Variants in ACOT7 observed in about 807,000 individuals in gnomAD.
ACOT7 encodes the protein cytosolic acyl coenzyme A thioester hydrolase.
ACOT7 carries 12 observed loss-of-function variants against 40.2 expected under a neutral mutation model. The ratio of observed to expected loss-of-function variants is 0.30; its 90% CI spans 0.19 to 0.48. ACOT7 has a LOEUF of 0.48. Among genes scored for constraint, ACOT7 ranks in the 20% least tolerant of loss-of-function variants. The probability of loss-of-function intolerance (pLI) is 0.99; values close to 1 mark genes in which losing one functional copy is unlikely to be tolerated. For missense variants in ACOT7, 395 were observed against 530.8 expected (o/e 0.74, Z 2.51); for synonymous variants, 228 against 219.5 (o/e 1.04, Z -0.34).
rs1571334828 is a variant in ACOT7 at position 6,352,535 on chromosome 1, T to C, written c.144-2669A>G. On this transcript the variant is annotated intron_variant, in intron 1 of 8. Transcript: ENST00000361521. This position sits in a 1 kb window ranked among gnomAD's most constrained non-coding sequence, Gnocchi z 4.5. ...GCCTCTGTCTAAAGGCAGGCAGGGG[T>C]GAGAGCCAGGGAGCCAGGGAAGCTG... Among the ~76,000 whole-genome samples the C allele has an allele frequency of 6.6e-6, 1 of 151,812 alleles. No individual in the cohort carries two copies. Among genetic ancestry groups the C allele is most frequent in the African/African-American group, 2.4e-5 (1 of 41,280 alleles).
chr1:6,285,628 C>T (rs1246512786), intron 7 of ACOT7, among the ~76,000 whole-genome samples: 4 of 152,222 alleles, frequency 2.6e-5, no homozygotes, highest in African/African-American at 7.2e-5. Flanking sequence ...AATGTGGAGG[C>T]GGGTGAGGCT....
intron 8 of ACOT7, among the ~76,000 whole-genome samples, chr1:6,279,840 A>G (rs994361013): frequency 6.6e-6 from 1 of 152,000 alleles, no homozygotes; most frequent in Non-Finnish European, 1.5e-5. Context: ...GGGCTGGGAG[A>G]GGGGCTTGGA....
At chr1:6,297,413 C>T (rs1639839080) in intron 6 of ACOT7, among the ~76,000 whole-genome samples, 2 of 152,194 alleles carry the variant, frequency 1.3e-5, no homozygotes, top group Non-Finnish European at 2.9e-5. Context: ...GAAAACCAGA[C>T]TTGTACAGTC....
chr1:6,268,250 G>A (rs1164607738), intron 8 of ACOT7, among the ~76,000 whole-genome samples: 1 of 152,182 alleles, frequency 6.6e-6, no homozygotes, highest in African/African-American at 2.4e-5. Context: ...TCTCAGTAAA[G>A]CTGTTAAAAG....
chr1:6,341,737 G>A (rs898676539), intron 2 of ACOT7, among the ~76,000 whole-genome samples: 7 of 151,698 alleles, frequency 4.6e-5, no homozygotes, highest in African/African-American at 7.3e-5. Context: ...GCGAGACTCC[G>A]TCTCAAAAAA....
intron 1 of ACOT7, among the ~76,000 whole-genome samples, chr1:6,378,067 AAAACAAACAAAC>A (rs140819559): frequency 8.6e-5 from 13 of 150,448 alleles, no homozygotes; most frequent in African/African-American, 2.9e-4. Context: ...AAGACTCGTC[AAAACAAACAAAC>A]AAACAAACAA....
chr1:6,362,699 G>C (rs6660500), intron 1 of ACOT7, among the ~76,000 whole-genome samples: 1 of 152,094 alleles, frequency 6.6e-6, no homozygotes, highest in East Asian at 1.9e-4. Context: ...AGCTGGTAGG[G>C]TCAGAAACTT....
intron 6 of ACOT7, among the ~76,000 whole-genome samples, chr1:6,309,339 G>A (rs1640266569): frequency 6.6e-6 from 1 of 152,162 alleles, no homozygotes; most frequent in South Asian, 2.1e-4. Context: ...TTGCAGTAGG[G>A]GGCTGGGAGG....
At chr1:6,376,388 G>A (rs1490221729) in intron 1 of ACOT7, among the ~76,000 whole-genome samples, 2 of 151,910 alleles carry the variant, frequency 1.3e-5, no homozygotes, top group African/African-American at 4.8e-5. Context: ...AGCCGTGATT[G>A]TACCACCGCT....
At chr1:6,276,880 G>A (rs781046309) in intron 8 of ACOT7, among the ~76,000 whole-genome samples, 19 of 152,060 alleles carry the variant, frequency 1.2e-4, no homozygotes, top group Non-Finnish European at 2.6e-4. Flanking sequence ...TCAACATGAC[G>A]CGGCCACACC....
intron 6 of ACOT7, among the ~76,000 whole-genome samples, chr1:6,302,037 G>C (rs1639987954): frequency 6.6e-6 from 1 of 152,184 alleles, no homozygotes. Context: ...CCAGGCCAGG[G>C]GGGCTGTCGT....
At chr1:6,332,132 A>G (rs1414020410) in intron 4 of ACOT7, among the ~76,000 whole-genome samples, 1 of 152,248 alleles carries the variant, frequency 6.6e-6, no homozygotes, top group Non-Finnish European at 1.5e-5. Flanking sequence ...AGCAGGCACC[A>G]ATTCCTGACA....
At chr1:6,356,425 C>T in intron 1 of ACOT7, among the ~76,000 whole-genome samples, 1 of 152,078 alleles carries the variant, frequency 6.6e-6, no homozygotes, top group East Asian at 1.9e-4. Flanking sequence ...GCACCCTCAG[C>T]CCAGCTCAGC....
At chr1:6,335,383 T>G (rs1008348215) in intron 3 of ACOT7, among the ~76,000 whole-genome samples, 1 of 148,234 alleles carries the variant, frequency 6.7e-6, no homozygotes, top group Non-Finnish European at 1.5e-5. Context: ...ACACATGTGG[T>G]CCCAAAGGCT....
At chr1:6,267,928 G>T (rs1638900059) in intron 8 of ACOT7, among the ~76,000 whole-genome samples, 1 of 152,092 alleles carries the variant, frequency 6.6e-6, no homozygotes, top group African/African-American at 2.4e-5. Context: ...AGAGTTGCGG[G>T]GACCAAATTT....
intron 1 of ACOT7, among the ~76,000 whole-genome samples, chr1:6,383,665 G>A (rs1642390120): frequency 6.6e-6 from 1 of 150,942 alleles, no homozygotes; most frequent in Non-Finnish European, 1.5e-5. Context: ...TCTCCTGAGT[G>A]GTTGAGACTA....
At chr1:6,273,707 A>T (rs958760410) in intron 8 of ACOT7, among the ~76,000 whole-genome samples, 1 of 152,234 alleles carries the variant, frequency 6.6e-6, no homozygotes, top group Non-Finnish European at 1.5e-5. Context: ...ATCTTGGCCA[A>T]ACAAACAAAG....
chr1:6,349,420 T>C (rs1289975759), intron 2 of ACOT7, among the ~76,000 whole-genome samples: 2 of 152,170 alleles, frequency 1.3e-5, no homozygotes, highest in Non-Finnish European at 2.9e-5. Flanking sequence ...GCCATCACAA[T>C]AAACTCCACC....
chr1:6,370,311 T>G (rs1190296142), intron 1 of ACOT7, among the ~76,000 whole-genome samples: 3 of 152,060 alleles, frequency 2.0e-5, no homozygotes, highest in African/African-American at 7.2e-5. Flanking sequence ...TAAAGCTCTT[T>G]CCTTCATAAA....
Sources: gnomAD v4.1 joint callset for allele counts (sites outside exome capture counted in the v4.1 genomes callset) on GRCh38, gnomAD v4.1.1 for gene constraint, Gnocchi (gnomAD v3.1) non-coding constraint, MANE v1.5 for transcripts, NCBI Gene and HGNC (gene_info 2026-07-23, HGNC 2026-07-21) for gene names.